Variants in PLCB4 observed in about 807,000 individuals in gnomAD.
PLCB4 encodes 1-phosphatidylinositol 4,5-bisphosphate phosphodiesterase beta-4.
Under a neutral mutation model 178.8 loss-of-function variants are expected in PLCB4, and 77 were observed. That is an observed-to-expected ratio of 0.43 (90% confidence interval 0.36 to 0.52). PLCB4 has a LOEUF of 0.52. Ranked by LOEUF, PLCB4 falls within the 20% of genes least tolerant of loss-of-function variation. The pLI is 0.00. For synonymous variants in PLCB4, 496 were observed against 490.8 expected (o/e 1.01, Z -0.14); for missense variants, 1,024 against 1,453.4 (o/e 0.70, Z 4.80).
intron 3 of PLCB4, among the ~76,000 whole-genome samples, chr20:9,289,744 G>C (rs1005935307): frequency 6.6e-6 from 1 of 151,920 alleles, no homozygotes; most frequent in East Asian, 1.9e-4. Flanking sequence ...GAGGGTGTTC[G>C]GTCAAAAGGT....
At chr20:9,368,679 G>A (rs554391553) in intron 9 of PLCB4, among the ~76,000 whole-genome samples, 111 of 152,260 alleles carry the variant, frequency 7.3e-4, no homozygotes, top group African/African-American at 2.5e-3. Flanking sequence ...TTCAGAACAC[G>A]GTGTTAAAAC....
chr20:9,327,889 T>C (rs1173962799), intron 4 of PLCB4, among the ~76,000 whole-genome samples: 3 of 152,204 alleles, frequency 2.0e-5, no homozygotes, highest in Non-Finnish European at 4.4e-5. Context: ...GGTATTGTGG[T>C]TGATGTTGTT....
chr20:9,110,091 A>C (rs1164922339), intron 2 of PLCB4, among the ~76,000 whole-genome samples: 2 of 152,188 alleles, frequency 1.3e-5, no homozygotes, highest in African/African-American at 2.4e-5. Context: ...AACAGTACTC[A>C]ACTATTTTTT....
At chr20:9,325,118 T>C (rs185917950) in intron 4 of PLCB4, among the ~76,000 whole-genome samples, 1 of 152,366 alleles carries the variant, frequency 6.6e-6, no homozygotes, top group East Asian at 1.9e-4. Context: ...TAATTAGAAA[T>C]GCTTTGCTAA....
At chr20:9,405,877 C>G (rs536384815) in intron 21 of PLCB4, among the ~76,000 whole-genome samples, 1 of 152,332 alleles carries the variant, frequency 6.6e-6, no homozygotes, top group East Asian at 1.9e-4. Flanking sequence ...CAGCCACAGG[C>G]AGAAGTTTGC....
intron 22 of PLCB4, 59 bp downstream of exon 22, chr20:9,408,117 A>G: frequency 3.6e-6 from 5 of 1,379,166 alleles, no homozygotes; most frequent in Non-Finnish European, 5.0e-6. Context: ...TATGGTGCTG[A>G]TGAGCTTTTA....
chr20:9,452,254 T>G (rs1042097390), intron 32 of PLCB4, among the ~76,000 whole-genome samples: 6 of 152,236 alleles, frequency 3.9e-5, no homozygotes, highest in Non-Finnish European at 8.8e-5. Context: ...CCCATTTATA[T>G]TTTATGAAAC....
At chr20:9,084,793 T>A (rs1174495066) in intron 1 of PLCB4, among the ~76,000 whole-genome samples, 1 of 152,194 alleles carries the variant, frequency 6.6e-6, no homozygotes, top group Non-Finnish European at 1.5e-5. Flanking sequence ...ATATAAAGCA[T>A]GACATTGATT....
intron 2 of PLCB4, among the ~76,000 whole-genome samples, chr20:9,122,900 C>T (rs1179808838): frequency 6.6e-6 from 1 of 152,074 alleles, no homozygotes; most frequent in African/African-American, 2.4e-5. Context: ...TGCAGTGGTT[C>T]AGTAAGGATG....
rs138851276 is a variant in PLCB4 at position 9,432,182 on chromosome 20, T to C, written c.2525-3378T>C. On this transcript the variant is annotated intron_variant, in intron 28 of 39. Coordinates refer to ENST00000378473, the MANE Select transcript of PLCB4 (RefSeq NM_001377142.1). Reference sequence around the variant, plus strand: ...ATAACTTCTAATAAACCATGGAAAATATGTATTCATGTGCAAAAATGACAC... The same window carrying C: ...ATAACTTCTAATAAACCATGGAAAACATGTATTCATGTGCAAAAATGACAC... Among the ~76,000 whole-genome samples the C allele has an allele frequency of 3.6e-3, 544 of 152,266 alleles. 5 individuals carry two copies. The highest frequency in any genetic ancestry group is 6.6e-3 in the Non-Finnish European group (449 of 68,012).
intron 32 of PLCB4, among the ~76,000 whole-genome samples, chr20:9,450,280 A>T (rs1190716197): frequency 6.6e-6 from 1 of 152,296 alleles, no homozygotes; most frequent in Admixed American, 6.5e-5. Flanking sequence ...GCTAAGATGG[A>T]CTTAGAGATC....
intron 3 of PLCB4, among the ~76,000 whole-genome samples, chr20:9,242,033 G>A (rs2094069140): frequency 6.6e-6 from 1 of 152,192 alleles, no homozygotes; most frequent in Non-Finnish European, 1.5e-5. Flanking sequence ...GGTTCCAAGA[G>A]AAGGAGCAGA....
intron 2 of PLCB4, among the ~76,000 whole-genome samples, chr20:9,162,410 A>T (rs1429338514): frequency 6.6e-6 from 1 of 152,218 alleles, no homozygotes; most frequent in Non-Finnish European, 1.5e-5. Context: ...CCTGTACCTA[A>T]AAAGTTTTCT....
intron 1 of PLCB4, among the ~76,000 whole-genome samples, chr20:9,091,255 A>G (rs1311444018): frequency 6.6e-6 from 1 of 152,160 alleles, no homozygotes; most frequent in East Asian, 1.9e-4. Context: ...TAGAGCCTTT[A>G]TAAGTCTCGA....
chr20:9,449,927 G>A (rs1207672700), intron 32 of PLCB4, among the ~76,000 whole-genome samples: 1 of 152,166 alleles, frequency 6.6e-6, no homozygotes, highest in Non-Finnish European at 1.5e-5. Flanking sequence ...TAATCTCAGA[G>A]TTACATGCTG....
At chr20:9,261,036 ATTGATTC>A (rs1569033988) in intron 3 of PLCB4, among the ~76,000 whole-genome samples, 1 of 152,094 alleles carries the variant, frequency 6.6e-6, no homozygotes, top group Non-Finnish European at 1.5e-5. Flanking sequence ...CAATACTAAA[ATTGATTC>A]TTTATCCCAT....
chr20:9,165,153 A>G (rs562069296), intron 2 of PLCB4, among the ~76,000 whole-genome samples: 7 of 152,312 alleles, frequency 4.6e-5, no homozygotes, highest in East Asian at 3.9e-4. Context: ...TGCCCGCTAT[A>G]GCAACTGCCA....
At chr20:9,275,182 A>G (rs186625528) in intron 3 of PLCB4, among the ~76,000 whole-genome samples, 2 of 152,052 alleles carry the variant, frequency 1.3e-5, no homozygotes, top group African/African-American at 4.8e-5. Context: ...AGGTCTCACA[A>G]TCATGGCGGA....
At chr20:9,390,107 C>G in intron 16 of PLCB4, 149 bp downstream of exon 16, 1 of 550,090 alleles carries the variant, frequency 1.8e-6, no homozygotes, top group African/African-American at 1.9e-5. Flanking sequence ...GGCACCTACT[C>G]TTATGCAAAG....
Sources: gnomAD v4.1 joint callset for allele counts (sites outside exome capture counted in the v4.1 genomes callset) on GRCh38, gnomAD v4.1.1 for gene constraint, MANE v1.5 for transcripts, NCBI Gene and HGNC (gene_info 2026-07-23, HGNC 2026-07-21) for gene names.